WWOX: variants seen among roughly 807,000 people sequenced by gnomAD.
The protein encoded by WWOX is WW domain containing oxidoreductase.
Under a neutral mutation model 46.2 loss-of-function variants are expected in WWOX, and 69 were observed. That is an observed-to-expected ratio of 1.49 (90% CI 1.23 to 1.82). The LOEUF is 1.82. WWOX is among the 40% of genes most tolerant of loss of function. The probability of loss-of-function intolerance (pLI) is 0.00; values close to 1 mark genes in which losing one functional copy is unlikely to be tolerated. For missense variants in WWOX, 919 were observed against 542.6 expected, an observed-to-expected ratio of 1.69 and a Z score of -6.89; for synonymous variants, 359 against 202.6, an observed-to-expected ratio of 1.77 and a Z score of -6.56.
chr16:78,751,299 A>T (rs1445886665), intron 8 of WWOX, among the ~76,000 whole-genome samples: 1 of 151,556 alleles, frequency 6.6e-6, no homozygotes, highest in Non-Finnish European at 1.5e-5. Flanking sequence ...ATCTAGCATT[A>T]AATTTAGCTG....
intron 8 of WWOX, among the ~76,000 whole-genome samples, chr16:78,500,590 A>G (rs1007764607): frequency 3.3e-5 from 5 of 152,094 alleles, no homozygotes; most frequent in Non-Finnish European, 7.4e-5. Flanking sequence ...GCATTTTCCT[A>G]TGACTGAGGG....
intron 8 of WWOX, among the ~76,000 whole-genome samples, chr16:78,727,973 C>A (rs576195001): frequency 1.4e-4 from 21 of 146,102 alleles, no homozygotes; most frequent in South Asian, 1.4e-3. Flanking sequence ...TAGTCAAATT[C>A]TTTATTAATT....
rs187821891 is a variant in WWOX at position 78,537,176 on chromosome 16, C to G, written c.1056+104424C>G. Among the ~76,000 whole-genome samples, 225 of 152,220 alleles carry G rather than the reference C, an allele frequency of 1.5e-3. 1 individual carries two copies. Among genetic ancestry groups the G allele is most frequent in the Non-Finnish European group, 2.5e-3 (169 of 68,018 alleles). On this transcript the variant is annotated intron_variant, in intron 8 of 8. Transcript: ENST00000566780. ...AGGTGATCTGCCTGCCTCAGCCTCCCAAAGTGCTGGGATTACAGGGGTGAC... is the reference window on the plus strand; with the variant it reads ...AGGTGATCTGCCTGCCTCAGCCTCCGAAAGTGCTGGGATTACAGGGGTGAC...
At position 78,630,587 on chromosome 16, in the gene WWOX, A is replaced by T. The variant is rs559804576; in HGVS notation, c.1056+197835A>T. 7.9e-5 allele frequency among the ~76,000 whole-genome samples: 12 copies of T among 152,186 alleles called. No homozygotes were observed. In the South Asian group the frequency reaches 2.3e-3, roughly 29 times the overall value. ...GGACTAATTAAATGCATCCTGTGTG[A>T]CCCCACTGGAAGAGGACATTTGGAA... is the stretch of plus-strand genomic sequence containing the variant. On this transcript the variant is annotated intron_variant, in intron 8 of 8. Coordinates refer to ENST00000566780, the MANE Select transcript of WWOX (RefSeq NM_016373.4).
chr16:78,152,655 C>T (rs763268690), intron 4 of WWOX, among the ~76,000 whole-genome samples: 4 of 152,106 alleles, frequency 2.6e-5, no homozygotes, highest in Non-Finnish European at 5.9e-5. Context: ...CTCACTCATT[C>T]CTAACCAGGA....
chr16:78,747,698 C>T (rs912627380), intron 8 of WWOX, among the ~76,000 whole-genome samples: 3 of 152,110 alleles, frequency 2.0e-5, no homozygotes, highest in South Asian at 2.1e-4. Context: ...ATTGTTTCCT[C>T]GATTACTGTC....
intron 8 of WWOX, among the ~76,000 whole-genome samples, chr16:79,116,891 T>C (rs2049527223): frequency 6.6e-6 from 1 of 152,084 alleles, no homozygotes; most frequent in Non-Finnish European, 1.5e-5. Context: ...TAAAATGTAT[T>C]TCTTTAATAA....
intron 8 of WWOX, among the ~76,000 whole-genome samples, chr16:78,626,680 C>G (rs919147752): frequency 6.6e-6 from 1 of 152,092 alleles, no homozygotes; most frequent in East Asian, 1.9e-4. Flanking sequence ...TGTTGCTGTG[C>G]CCAGCTCATG....
intron 8 of WWOX, among the ~76,000 whole-genome samples, chr16:78,813,024 C>T (rs1597655651): frequency 6.6e-6 from 1 of 150,670 alleles, no homozygotes; most frequent in African/African-American, 2.4e-5. Context: ...TAGGTAAACC[C>T]ATGTAATTTC....
chr16:78,815,156 C>A (rs757872575), intron 8 of WWOX, among the ~76,000 whole-genome samples: 1 of 152,070 alleles, frequency 6.6e-6, no homozygotes, highest in East Asian at 1.9e-4. Flanking sequence ...GAAAACCCAT[C>A]TCTACTAAAA....
intron 8 of WWOX, among the ~76,000 whole-genome samples, chr16:78,872,227 A>G (rs1033253104): frequency 1.3e-5 from 2 of 152,220 alleles, no homozygotes; most frequent in African/African-American, 4.8e-5. Context: ...CAGCTCTGCT[A>G]TTACTGAGAT....
chr16:78,173,619 G>T (rs1047944122), intron 5 of WWOX, among the ~76,000 whole-genome samples: 5 of 152,024 alleles, frequency 3.3e-5, no homozygotes, highest in African/African-American at 1.2e-4. Flanking sequence ...TTTGAACCTT[G>T]GCTGATTTAC....
At chr16:78,516,481 T>C (rs1459771041) in intron 8 of WWOX, among the ~76,000 whole-genome samples, 1 of 152,200 alleles carries the variant, frequency 6.6e-6, no homozygotes, top group East Asian at 1.9e-4. Context: ...TTTCCAGACA[T>C]TTGGAAACAT....
intron 8 of WWOX, among the ~76,000 whole-genome samples, chr16:78,486,213 G>T (rs1785875410): frequency 6.6e-6 from 1 of 152,086 alleles, no homozygotes; most frequent in Non-Finnish European, 1.5e-5. Flanking sequence ...CTCACACCTT[G>T]GCTGATTTCA....
At chr16:78,665,026 C>T (rs2047298852) in intron 8 of WWOX, among the ~76,000 whole-genome samples, 1 of 152,200 alleles carries the variant, frequency 6.6e-6, no homozygotes, top group African/African-American at 2.4e-5. Flanking sequence ...CTGCATTCAT[C>T]AGCCTGCATC....
intron 5 of WWOX, among the ~76,000 whole-genome samples, chr16:78,362,477 C>T (rs1283002857): frequency 3.3e-5 from 5 of 151,988 alleles, no homozygotes; most frequent in Non-Finnish European, 4.4e-5. Flanking sequence ...GGCGTGGTGG[C>T]AGGCATCTGT....
At chr16:78,432,142 G>A (rs1485173871) in intron 7 of WWOX, among the ~76,000 whole-genome samples, 7 of 147,540 alleles carry the variant, frequency 4.7e-5, no homozygotes, top group Non-Finnish European at 1.0e-4. Context: ...TTTTGAGACC[G>A]AGTCTAGCTC....
chr16:78,527,956 T>C (rs2043517673), intron 8 of WWOX, among the ~76,000 whole-genome samples: 1 of 148,826 alleles, frequency 6.7e-6, no homozygotes, highest in Non-Finnish European at 1.5e-5. Context: ...TGTGCAAAGA[T>C]TCAAGGTGGC....
chr16:78,533,792 G>GC lies in WWOX; in HGVS notation c.1056+101041dup, dbSNP rs965030693. 2.2e-4 allele frequency among the ~76,000 whole-genome samples: 33 copies of GC among 152,142 alleles called. 1 individual carries two copies. Among genetic ancestry groups the GC allele is most frequent in the African/African-American group, 8.0e-4 (33 of 41,428 alleles). On this transcript the variant is annotated intron_variant, in intron 8 of 8. Transcript: ENST00000566780. ...ATGAAGTTGTAGGCCCCTCCCGAAT[G>GC]CGTCCTCAGAACTCGCTGGTTCTCG...
Sources: gnomAD v4.1 joint callset for allele counts (sites outside exome capture counted in the v4.1 genomes callset) on GRCh38, gnomAD v4.1.1 for gene constraint, MANE v1.5 for transcripts, NCBI Gene and HGNC (gene_info 2026-07-23, HGNC 2026-07-21) for gene names.